LSAMP: variants seen among roughly 807,000 people sequenced by gnomAD.
LSAMP encodes the protein limbic system associated membrane protein, also known as limbic system-associated membrane protein.
In LSAMP, 7 loss-of-function variants were observed where a neutral mutation model predicts 38.6. That is an observed-to-expected ratio of 0.18 (90% CI 0.10 to 0.34). The LOEUF (loss-of-function observed/expected upper bound fraction) is 0.34. Ranked by LOEUF, LSAMP falls within the 10% of genes least tolerant of loss-of-function variation. LSAMP has a pLI of 1.00. For missense variants in LSAMP, 313 were observed against 420.0 expected (o/e 0.75, Z 2.23); for synonymous variants, 154 against 166.8 (o/e 0.92, Z 0.59).
intron 1 of LSAMP, among the ~76,000 whole-genome samples, chr3:116,398,374 C>T (rs528618120): frequency 2.0e-5 from 3 of 152,246 alleles, no homozygotes; most frequent in South Asian, 2.1e-4. Context: ...TCAGAGACAT[C>T]GCTTCTCTAA....
At chr3:116,210,308 C>G (rs2046138442) in intron 1 of LSAMP, among the ~76,000 whole-genome samples, 1 of 152,150 alleles carries the variant, frequency 6.6e-6, no homozygotes, top group Non-Finnish European at 1.5e-5. Flanking sequence ...TTTGGAGAGG[C>G]AGATCCATCC....
At chr3:115,854,282 ATTTT>A (rs35263381) in intron 3 of LSAMP, among the ~76,000 whole-genome samples, 13,943 of 106,404 alleles carry the variant, frequency 0.13, 755 homozygotes, top group Middle Eastern at 0.18. Flanking sequence ...TATTATTATT[ATTTT>A]TTTTTTTTTT....
intron 3 of LSAMP, among the ~76,000 whole-genome samples, chr3:115,934,881 T>C (rs1229660447): frequency 6.6e-6 from 1 of 152,184 alleles, no homozygotes; most frequent in Non-Finnish European, 1.5e-5. Flanking sequence ...CCTTCCTTGC[T>C]CTAGCTCTAT....
intron 6 of LSAMP, among the ~76,000 whole-genome samples, chr3:115,827,452 G>A (rs1358860421): frequency 6.6e-6 from 1 of 151,556 alleles, no homozygotes; most frequent in Non-Finnish European, 1.5e-5. Flanking sequence ...GGGTGCTTAA[G>A]TCAGAATCTT....
chr3:115,843,647 C>T (rs1306476168), intron 4 of LSAMP, among the ~76,000 whole-genome samples: 1 of 152,166 alleles, frequency 6.6e-6, no homozygotes, highest in African/African-American at 2.4e-5. Context: ...TTCATTTAAA[C>T]CCTGCCCTTC....
At chr3:116,128,579 C>T (rs1709058874) in intron 1 of LSAMP, among the ~76,000 whole-genome samples, 3 of 152,176 alleles carry the variant, frequency 2.0e-5, no homozygotes, top group African/African-American at 7.2e-5. Flanking sequence ...ATAGAATGGA[C>T]AAAATCTAGA....
intron 3 of LSAMP, among the ~76,000 whole-genome samples, chr3:115,953,924 C>T: frequency 6.6e-6 from 1 of 152,160 alleles, no homozygotes. Flanking sequence ...TTTCATTTCT[C>T]AGGTCAAATG....
chr3:115,810,704 A>C (rs2107446273), intron 6 of LSAMP, among the ~76,000 whole-genome samples: 1 of 152,336 alleles, frequency 6.6e-6, no homozygotes, highest in Non-Finnish European at 1.5e-5. Flanking sequence ...ATGGTACAGC[A>C]GGCTCCTGTT....
At chr3:116,113,024 A>G (rs1411927464) in intron 1 of LSAMP, among the ~76,000 whole-genome samples, 5 of 152,078 alleles carry the variant, frequency 3.3e-5, no homozygotes, top group African/African-American at 1.2e-4. Context: ...ATGTATCTAC[A>G]ACAAATAATA....
chr3:116,062,067 A>G (rs1941603523), intron 2 of LSAMP, among the ~76,000 whole-genome samples: 1 of 152,240 alleles, frequency 6.6e-6, no homozygotes, highest in African/African-American at 2.4e-5. Context: ...AATATTTTAT[A>G]TTTAAAAAAC....
chr3:116,130,413 C>T (rs1709098543), intron 1 of LSAMP, among the ~76,000 whole-genome samples: 1 of 152,204 alleles, frequency 6.6e-6, no homozygotes, highest in African/African-American at 2.4e-5. Flanking sequence ...AAAGTTCTTA[C>T]ATGAGGTGGC....
chr3:116,203,878 T>C (rs1250078476), intron 1 of LSAMP, among the ~76,000 whole-genome samples: 2 of 152,188 alleles, frequency 1.3e-5, no homozygotes, highest in Non-Finnish European at 2.9e-5. Flanking sequence ...CATGTGTCTT[T>C]ATAGCAGCAT....
At chr3:115,857,168 A>C (rs961595027) in intron 3 of LSAMP, among the ~76,000 whole-genome samples, 2 of 152,220 alleles carry the variant, frequency 1.3e-5, no homozygotes, top group African/African-American at 4.8e-5. Context: ...GGACACAGGC[A>C]CGATACAATC....
chr3:116,052,317 G>C (rs1941411203), intron 2 of LSAMP, among the ~76,000 whole-genome samples: 1 of 152,126 alleles, frequency 6.6e-6, no homozygotes, highest in South Asian at 2.1e-4. Flanking sequence ...AGAGAAAGGG[G>C]TAGGGGATGA....
At chr3:116,234,328 A>G (rs1276972499) in intron 1 of LSAMP, among the ~76,000 whole-genome samples, 1 of 152,194 alleles carries the variant, frequency 6.6e-6, no homozygotes, top group Non-Finnish European at 1.5e-5. Flanking sequence ...GTTCACGGGG[A>G]ATAATTCATG....
chr3:116,081,529 T>A (rs967461414), intron 2 of LSAMP, among the ~76,000 whole-genome samples: 1 of 152,168 alleles, frequency 6.6e-6, no homozygotes, highest in Non-Finnish European at 1.5e-5. Flanking sequence ...AGAGACATTA[T>A]AATTTTAAGC....
chr3:115,816,672 C>T (rs1240176198), intron 6 of LSAMP: 29 of 1,257,678 alleles, frequency 2.3e-5, no homozygotes, highest in Non-Finnish European at 2.9e-5. Flanking sequence ...TTAAGCAAAA[C>T]AAAAACAAAT....
At chr3:115,855,346 T>C (rs1935473168) in intron 3 of LSAMP, among the ~76,000 whole-genome samples, 1 of 152,184 alleles carries the variant, frequency 6.6e-6, no homozygotes, top group Non-Finnish European at 1.5e-5. Context: ...ATATAAGTAT[T>C]AGTAATCTCA....
intron 1 of LSAMP, among the ~76,000 whole-genome samples, chr3:116,166,094 A>G (rs751944677): frequency 1.9e-4 from 29 of 152,240 alleles, no homozygotes; most frequent in South Asian, 4.1e-4. Context: ...AGTGATTACC[A>G]TAATACCTGT....
Sources: allele counts gnomAD v4.1 joint callset (sites outside exome capture counted in the v4.1 genomes callset), GRCh38; gene constraint gnomAD v4.1.1; transcripts MANE v1.5; gene names NCBI Gene and HGNC (gene_info 2026-07-23, HGNC 2026-07-21).